The following DGKI variants were observed in gnomAD, a reference collection of about 807,000 sequenced individuals.
DGKI encodes the protein diacylglycerol kinase iota.
A neutral mutation model predicts 147.5 loss-of-function variants in DGKI; 55 were observed. The ratio of observed to expected loss-of-function variants is 0.37; its 90% CI spans 0.30 to 0.47. The LOEUF (loss-of-function observed/expected upper bound fraction) is 0.47, where lower values mean the gene tolerates loss of function less well. DGKI is among the 20% of genes least tolerant of loss of function. DGKI has a pLI of 1.00. For missense variants in DGKI, 1,007 were observed against 1,323.8 expected (o/e 0.76, Z 3.71); for synonymous variants, 469 against 477.1 (o/e 0.98, Z 0.22).
rs183750565 is a variant in DGKI, at chr7:137,403,083, G to C, written c.2920+4792C>G. Among the ~76,000 whole-genome samples, 25 of 152,150 alleles carry C rather than the reference G, an allele frequency of 1.6e-4. No homozygotes were observed. The East Asian group carries it at 4.5e-3, about 27-fold the overall frequency. On this transcript the variant is annotated intron_variant, in intron 30 of 32. Transcript: ENST00000614521. ...TGGAGGGTTGGAGGGGCAAACGAGG[G>C]GGGAGGGAGCGGGCAGAAAATATGG...
chr7:137,676,395 T>C (rs1823039296), intron 3 of DGKI, among the ~76,000 whole-genome samples: 1 of 152,230 alleles, frequency 6.6e-6, no homozygotes, highest in South Asian at 2.1e-4. Flanking sequence ...TTCTTTTTTT[T>C]CTTTTTTTGC....
At position 137,510,535 on chromosome 7, in the gene DGKI, C is replaced by T. The variant is rs566613104; in HGVS notation, c.2248+11331G>A. ...AATCTTGGCTACATGGCCAGGCTAG[C>T]CAGATACATCTGAAAATCAAGATGA... is the stretch of plus-strand genomic sequence containing the variant. On this transcript the variant is annotated intron_variant, in intron 21 of 32. Coordinates refer to ENST00000614521, the MANE Select transcript of DGKI (RefSeq NM_001321708.2). Among the ~76,000 whole-genome samples the T allele has an allele frequency of 7.2e-5, 11 of 152,272 alleles. No homozygotes were observed. In the South Asian group the frequency reaches 2.3e-3, roughly 32 times the overall value.
chr7:137,715,271 C>G (rs754588659), intron 1 of DGKI, among the ~76,000 whole-genome samples: 4 of 152,212 alleles, frequency 2.6e-5, no homozygotes, highest in Admixed American at 2.6e-4. Flanking sequence ...GAGATCAACT[C>G]TTCTCAGTCC....
At chr7:137,715,788 T>C (rs1190244910) in intron 1 of DGKI, among the ~76,000 whole-genome samples, 1 of 152,088 alleles carries the variant, frequency 6.6e-6, no homozygotes, top group Non-Finnish European at 1.5e-5. Flanking sequence ...ACCTATTATA[T>C]TAGTGGTATT....
At chr7:137,767,482 GAAGA>G (rs996975591) in intron 1 of DGKI, among the ~76,000 whole-genome samples, 5 of 134,460 alleles carry the variant, frequency 3.7e-5, no homozygotes, top group African/African-American at 1.5e-4. Flanking sequence ...GAAGAGAAGA[GAAGA>G]GAAGAGAAGA....
chr7:137,641,034 G>A (rs536279803), intron 6 of DGKI, among the ~76,000 whole-genome samples: 55 of 152,248 alleles, frequency 3.6e-4, no homozygotes, highest in African/African-American at 1.2e-3. Flanking sequence ...GGAGGAACCC[G>A]GTGGCAGGTG....
chr7:137,437,851 GA>G (rs1813340552), intron 28 of DGKI, among the ~76,000 whole-genome samples: 1 of 152,094 alleles, frequency 6.6e-6, no homozygotes, highest in Admixed American at 6.5e-5. Flanking sequence ...GTAAGTCAGT[GA>G]AGAAAATGAA....
At chr7:137,625,585 A>C (rs1280437366) in intron 6 of DGKI, among the ~76,000 whole-genome samples, 11 of 151,942 alleles carry the variant, frequency 7.2e-5, no homozygotes, top group Admixed American at 7.2e-4. Context: ...CACAGTTAAG[A>C]GAGTCTCATT....
intron 10 of DGKI, among the ~76,000 whole-genome samples, chr7:137,606,232 G>T (rs1820180781): frequency 6.6e-6 from 1 of 151,548 alleles, no homozygotes; most frequent in Admixed American, 6.6e-5. Context: ...TATATAAAGA[G>T]AAAAAGCTAT....
rs752212253 is a variant in DGKI, at chr7:137,577,282, T to C, written c.1701A>G (p.Ala567=). ...TTCTCTGTAGGAAGTCAGAAAAAGC[T>C]GCCTATACCACAGGGAAATAAAGAA... The part of the protein sequence containing the change: ...RFRNKMFYAG[A]AFSDFLQRSS... The change falls in exon 17 of 33, where the codon GCA becomes GCG. Residue 567 remains alanine (A), a splice_region_variant and synonymous_variant. Coordinates refer to ENST00000614521, the MANE Select transcript of DGKI (RefSeq NM_001321708.2). 4 of 1,596,220 alleles carry C rather than the reference T, an allele frequency of 2.5e-6. No homozygotes were observed. In the South Asian group the frequency reaches 4.5e-5, roughly 18 times the overall value.
rs1285521605 is a variant in DGKI, at chr7:137,463,604, C to A, written c.2620G>T (p.Asp874Tyr). 6.2e-7 allele frequency: 1 copy of A among 1,614,064 alleles called. No homozygotes were observed. Among genetic ancestry groups the A allele is most frequent in the Non-Finnish European group, 8.5e-7 (1 of 1,179,982 alleles). ...TTCCGCAGGGCAGGATTCCACCAGT[C>A]TGAGATCCTGAGAGAAAGAAGGGCA... Reference protein sequence around the residue: ...LVVEQASGISDWWNPALRKRM... With the variant: ...LVVEQASGISYWWNPALRKRM... The change falls in exon 27 of 33, where the codon GAC (aspartate) becomes TAC (tyrosine). Residue 874 changes from aspartate to tyrosine, a missense_variant. Asp to Tyr is a radical substitution (Grantham distance 160, BLOSUM62 -3). This residue lies in a region of DGKI where 385 missense variants were observed against 445.2 expected (regional missense o/e 0.86). Transcript: ENST00000614521.
intron 1 of DGKI, among the ~76,000 whole-genome samples, chr7:137,829,463 C>G (rs1178547300): frequency 6.6e-6 from 1 of 152,186 alleles, no homozygotes; most frequent in Non-Finnish European, 1.5e-5. Context: ...TATCTTGACC[C>G]TAATCCCACA....
chr7:137,528,725 C>T (rs763342580), intron 20 of DGKI, among the ~76,000 whole-genome samples: 1 of 152,126 alleles, frequency 6.6e-6, no homozygotes, highest in Admixed American at 6.6e-5. Context: ...TAATTCTATA[C>T]GCCCCTATGA....
At chr7:137,399,482 T>C (rs982541153) in intron 30 of DGKI, among the ~76,000 whole-genome samples, 4 of 152,182 alleles carry the variant, frequency 2.6e-5, no homozygotes, top group African/African-American at 9.6e-5. Flanking sequence ...TTTCTGGAGC[T>C]GTCCCTTCTT....
intron 6 of DGKI, among the ~76,000 whole-genome samples, chr7:137,629,183 G>C (rs935117692): frequency 6.6e-6 from 1 of 150,484 alleles, no homozygotes; most frequent in Admixed American, 6.6e-5. Flanking sequence ...TTAAAACACA[G>C]AACTCCAAAC....
chr7:137,457,319 A>G (rs1423642592), intron 27 of DGKI, among the ~76,000 whole-genome samples: 1 of 152,244 alleles, frequency 6.6e-6, no homozygotes, highest in African/African-American at 2.4e-5. Context: ...TCTCCCGCTT[A>G]TCTGATTGTG....
At position 137,684,482 on chromosome 7, in the gene DGKI, C is replaced by T. The variant is rs111771306; in HGVS notation, c.510+5412G>A. On this transcript the variant is annotated intron_variant, in intron 2 of 32. Transcript: ENST00000614521. The stretch of plus-strand genomic sequence containing the variant: ...GCTCATATCTATTTCTACTGGACAG[C>T]GTTTGTTTAGATAATCACTTGCCTC... 4.6e-3 allele frequency among the ~76,000 whole-genome samples: 708 copies of T among 152,294 alleles called. 4 individuals are homozygous for T. Among genetic ancestry groups the T allele is most frequent in the Non-Finnish European group, 7.4e-3 (506 of 68,028 alleles).
chr7:137,498,810 G>A (rs1406652538), intron 21 of DGKI, among the ~76,000 whole-genome samples: 1 of 152,140 alleles, frequency 6.6e-6, no homozygotes, highest in Non-Finnish European at 1.5e-5. Context: ...CCCCTGACAT[G>A]CTCTGCCTGA....
intron 20 of DGKI, among the ~76,000 whole-genome samples, chr7:137,535,193 T>C (rs997558283): frequency 1.5e-4 from 23 of 152,156 alleles, no homozygotes; most frequent in Admixed American, 6.6e-4. Flanking sequence ...CTAACTCCTT[T>C]TGTTCTAATC....
Sources: allele counts gnomAD v4.1 joint callset (sites outside exome capture counted in the v4.1 genomes callset), GRCh38; gene constraint gnomAD v4.1.1; regional missense constraint gnomAD v4.1.1; transcripts MANE v1.5; gene names NCBI Gene and HGNC (gene_info 2026-07-23, HGNC 2026-07-21).